Variants in SRGAP2B observed in about 807,000 individuals in gnomAD.
SRGAP2B encodes SLIT-ROBO Rho GTPase activating protein 2B, also known as SLIT-ROBO Rho GTPase-activating protein 2B.
Under a neutral mutation model 22.2 loss-of-function variants are expected in SRGAP2B, and 9 were observed. The ratio of observed to expected loss-of-function variants is 0.41; its 90% CI spans 0.24 to 0.71. SRGAP2B has a LOEUF of 0.71. Among genes scored for constraint, SRGAP2B ranks in the 30% least tolerant of loss-of-function variants. The pLI is 0.35. For missense variants in SRGAP2B, 114 were observed against 235.8 expected, an observed-to-expected ratio of 0.48 and a Z score of 3.38; for synonymous variants, 36 against 87.4, an observed-to-expected ratio of 0.41 and a Z score of 3.28.
At chr1:145,020,857 T>C (rs1452355116) in intron 2 of SRGAP2B, among the ~76,000 whole-genome samples, 5 of 150,598 alleles carry the variant, frequency 3.3e-5, no homozygotes, top group Non-Finnish European at 7.4e-5. Flanking sequence ...TGGAGTGCAG[T>C]GGCATGATCT....
chr1:145,017,935 T>C (rs1471338185), intron 2 of SRGAP2B, among the ~76,000 whole-genome samples: 2 of 150,828 alleles, frequency 1.3e-5, no homozygotes, highest in Non-Finnish European at 2.9e-5. Context: ...CGCTGGAAAT[T>C]GCACAATTCT....
intron 4 of SRGAP2B, among the ~76,000 whole-genome samples, chr1:144,931,612 A>G (rs1483535632): frequency 6.6e-6 from 1 of 151,050 alleles, no homozygotes; most frequent in African/African-American, 2.5e-5. Context: ...TAAAGGAAAG[A>G]AATCTAAAAC....
chr1:144,944,586 CAAAAAAAAA>C (rs3061760), intron 4 of SRGAP2B, among the ~76,000 whole-genome samples: 12 of 17,800 alleles, frequency 6.7e-4, no homozygotes, highest in East Asian at 2.2e-3. Flanking sequence ...GTCTCCATCT[CAAAAAAAAA>C]AAAAAAAAAA....
intron 8 of SRGAP2B, among the ~76,000 whole-genome samples, chr1:144,894,053 G>C (rs1374129219): frequency 1.4e-5 from 2 of 144,358 alleles, no homozygotes; most frequent in South Asian, 4.4e-4. Flanking sequence ...GGCCCGAGAG[G>C]GTATGGAATC....
intron 4 of SRGAP2B, among the ~76,000 whole-genome samples, chr1:144,941,702 TC>T (rs1437065599): frequency 2.1e-4 from 31 of 148,418 alleles, no homozygotes; most frequent in African/African-American, 7.9e-4. Context: ...AAAATCATGC[TC>T]AGACAAGCAG....
rs1404460107 is a variant in SRGAP2B at position 144,966,608 on chromosome 1, A to G, written c.261-11007T>C. 2.2e-4 allele frequency among the ~76,000 whole-genome samples: 33 copies of G among 146,680 alleles called. 5 individuals carry two copies. The highest frequency in any genetic ancestry group is 8.5e-4 in the African/African-American group (31 of 36,360). Reference sequence around the variant, plus strand: ...CTAATGAACAAAATAGCCAGCTAACATCATAATGACAGGATCAAATTCACA... The same window carrying G: ...CTAATGAACAAAATAGCCAGCTAACGTCATAATGACAGGATCAAATTCACA... On this transcript the variant is annotated intron_variant, in intron 3 of 9. Transcript: ENST00000612199.
At chr1:144,987,258 C>T (rs1485891672) in intron 3 of SRGAP2B, among the ~76,000 whole-genome samples, 4 of 151,994 alleles carry the variant, frequency 2.6e-5, no homozygotes, top group Admixed American at 1.3e-4. Context: ...AGAAACTCTA[C>T]TTTATAGTCA....
chr1:144,888,677 G>A (rs1267809118), exon 10 of SRGAP2B: 1 of 19,948 alleles, frequency 5.0e-5, no homozygotes, highest in African/African-American at 2.8e-4. Flanking sequence ...GGGAGGGATC[G>A]GCCAAGGTAA....
rs1186211473 is a variant in SRGAP2B at position 144,966,750 on chromosome 1, C to T, written c.261-11149G>A. ...TGTGCTGTATTCAAGAAACCCTTCT[C>T]ACGTGCAGAGACACACATAGGCTGA... On this transcript the variant is annotated intron_variant, in intron 3 of 9. Coordinates refer to ENST00000612199, the Ensembl canonical transcript of SRGAP2B. Among the ~76,000 whole-genome samples, 3 of 147,912 alleles carry T rather than the reference C, an allele frequency of 2.0e-5. 1 individual carries two copies. Among genetic ancestry groups the T allele is most frequent in the Admixed American group, 1.3e-4 (2 of 15,120 alleles).
intron 3 of SRGAP2B, among the ~76,000 whole-genome samples, chr1:144,986,410 T>A (rs1208265472): frequency 7.5e-5 from 11 of 147,582 alleles, no homozygotes; most frequent in Admixed American, 7.4e-4. Flanking sequence ...GAATGAACTA[T>A]TCTGGGACCA....
At chr1:144,923,336 G>T (rs1316923385) in intron 4 of SRGAP2B, among the ~76,000 whole-genome samples, 1 of 150,474 alleles carries the variant, frequency 6.6e-6, no homozygotes, top group African/African-American at 2.5e-5. Flanking sequence ...GATTTGGCTG[G>T]GGGCGTAATG....
chr1:144,984,390 C>T (rs1451552776), intron 3 of SRGAP2B, among the ~76,000 whole-genome samples: 2 of 146,664 alleles, frequency 1.4e-5, no homozygotes, highest in African/African-American at 5.1e-5. Flanking sequence ...AAAAAAGCCC[C>T]TCTCTATTTC....
In SRGAP2B at chr1:145,061,766, T is replaced by C. The variant is rs1650944458; in HGVS notation, c.67+31069A>G. ...CCCACCTAGCTAATTTTTGTATTTT[T>C]TTTTTTTTAGTAGAGACGGGGTTTC... On this transcript the variant is annotated intron_variant, in intron 2 of 9. Coordinates refer to ENST00000612199, the Ensembl canonical transcript of SRGAP2B. 1.4e-5 allele frequency among the ~76,000 whole-genome samples: 2 copies of C among 144,364 alleles called. 1 individual carries two copies. The highest frequency in any genetic ancestry group is 5.2e-5 in the African/African-American group (2 of 38,222). 94.7% of individuals were successfully genotyped at this position (144,364 alleles called of 152,430 possible).
intron 2 of SRGAP2B, among the ~76,000 whole-genome samples, chr1:145,068,458 T>C (rs1651745028): frequency 2.2e-5 from 2 of 89,568 alleles, no homozygotes; most frequent in South Asian, 8.7e-4. Flanking sequence ...ATGCCAGTAC[T>C]CACAAGAAAT....
intron 2 of SRGAP2B, among the ~76,000 whole-genome samples, chr1:145,002,590 A>G (rs1188549414): frequency 6.7e-6 from 1 of 148,606 alleles, no homozygotes; most frequent in Non-Finnish European, 1.5e-5. Context: ...TATAAAAAAG[A>G]AACAAACAAA....
Position 145,001,861 on chromosome 1 carries a change from AT to A in SRGAP2B, c.68-6662del, listed in dbSNP as rs150444696. ...CATGGCAAAATCCCAGCTCTACAAA[AT>A]TTTTTTTTAAGTTAGCTGGGGGGGT... is the stretch of plus-strand genomic sequence containing the variant. On this transcript the variant is annotated intron_variant, in intron 2 of 9. Coordinates refer to ENST00000612199, the Ensembl canonical transcript of SRGAP2B. Among the ~76,000 whole-genome samples the A allele has an allele frequency of 3.3e-5, 5 of 149,572 alleles. 1 individual carries two copies. The highest frequency in any genetic ancestry group is 1.3e-4 in the Admixed American group (2 of 15,044).
At chr1:144,960,524 A>G (rs1223806579) in intron 3 of SRGAP2B, among the ~76,000 whole-genome samples, 1 of 150,326 alleles carries the variant, frequency 6.7e-6, no homozygotes, top group East Asian at 1.9e-4. Context: ...CGTTCAACAA[A>G]CTTAGCAACA....
At chr1:144,970,149 A>G (rs1553613001) in intron 3 of SRGAP2B, among the ~76,000 whole-genome samples, 2 of 147,048 alleles carry the variant, frequency 1.4e-5, no homozygotes, top group Non-Finnish European at 3.0e-5. Context: ...ATTACTGGGT[A>G]TATACCCAAA....
chr1:144,908,252 A>G (rs1663130756), intron 5 of SRGAP2B, among the ~76,000 whole-genome samples: 1 of 150,410 alleles, frequency 6.6e-6, no homozygotes, highest in Admixed American at 6.6e-5. Flanking sequence ...AAGGTGCATG[A>G]TAAAGAGAAA....
Sources: gnomAD v4.1 joint callset for allele counts (sites outside exome capture counted in the v4.1 genomes callset) on GRCh38, gnomAD v4.1.1 for gene constraint, MANE v1.5 for transcripts, NCBI Gene and HGNC (gene_info 2026-07-23, HGNC 2026-07-21) for gene names.